The following CPNE9 variants were observed in gnomAD, a reference collection of about 807,000 sequenced individuals.
CPNE9 encodes the protein copine family member 9.
A neutral mutation model predicts 83.0 loss-of-function variants in CPNE9; 59 were observed. The observed-to-expected ratio is 0.71, with a 90% confidence interval of 0.58 to 0.88. The LOEUF (loss-of-function observed/expected upper bound fraction) is 0.88. Among genes scored for constraint, CPNE9 ranks in the 40% least tolerant of loss-of-function variants. The pLI, the probability that CPNE9 is intolerant of heterozygous loss-of-function variation, is 0.00. For synonymous variants in CPNE9, 256 were observed against 273.4 expected (o/e 0.94, Z 0.63); for missense variants, 619 against 720.8 (o/e 0.86, Z 1.62).
rs1285447394 is a variant in CPNE9 at position 9,715,354 on chromosome 3, C to T, written c.758C>T (p.Thr253Ile). ...CTGAGCAAGGCCCAGAACCAGTTCA[C>T]AGTATATGAGGTGAGCATTCCAGCC... ...RELSKAQNQF[T>I]VYEVLNPRKK... Residue 253 changes from threonine to isoleucine, a missense_variant, in exon 12 of 21, where the codon ACA (threonine) becomes ATA (isoleucine). Around this residue, in one of 3 missense-constraint regions of CPNE9, gnomAD observed 438 missense variants for 562.9 expected, o/e 0.78. Coordinates refer to ENST00000383832, the MANE Select transcript of CPNE9 (RefSeq NM_153635.3). The T allele has an allele frequency of 6.2e-6, 10 of 1,614,212 alleles. No individual in the cohort carries two copies. Among genetic ancestry groups the T allele is most frequent in the Admixed American group, 1.7e-5 (1 of 60,022 alleles).
rs1364547483 is a variant in CPNE9, at chr3:9,721,851, T to C, written c.1241+3249T>C. 3.3e-5 allele frequency among the ~76,000 whole-genome samples: 5 copies of C among 152,242 alleles called. No homozygotes were observed. In the East Asian group the frequency reaches 9.6e-4, roughly 29 times the overall value. ...GCTTGGACCCCAGCTTCATAACCCCTTGGGGATGTTACTTAATGTCTCTAA... is the reference window on the plus strand; with the variant it reads ...GCTTGGACCCCAGCTTCATAACCCCCTGGGGATGTTACTTAATGTCTCTAA... On this transcript the variant is annotated intron_variant, in intron 17 of 20. Coordinates refer to ENST00000383832, the MANE Select transcript of CPNE9 (RefSeq NM_153635.3).
chr3:9,705,189 C>CG (rs1441003823), intron 4 of CPNE9, among the ~76,000 whole-genome samples, 195 bp downstream of exon 4: 29 of 152,168 alleles, frequency 1.9e-4, no homozygotes, highest in Admixed American at 1.5e-3. Flanking sequence ...GCTCTGGCCC[C>CG]GCCCACAACT....
In CPNE9 at chr3:9,726,708, C is replaced by T. The variant is rs1351408905; in HGVS notation, c.1388C>T (p.Pro463Leu). The T allele has an allele frequency of 7.4e-6, 12 of 1,613,718 alleles. No homozygotes were observed. The African/African-American group carries it at 1.5e-4, about 20-fold the overall frequency. Residue 463 changes from proline (P) to leucine (L), a missense_variant, in exon 19 of 21, where the codon CCA becomes CTA. By Grantham distance (98) the Pro-to-Leu change is moderately conservative. Coordinates refer to ENST00000383832, the MANE Select transcript of CPNE9 (RefSeq NM_153635.3). ...TCTATCATTATCGTCGGTGTAGGAC[C>T]AGCCATGTTTGAGGGTGAGTAGGAA... ...PMSIIIVGVG[P>L]AMFEAMEELD...
At chr3:9,725,160 C>G (rs1486901534) in intron 17 of CPNE9, among the ~76,000 whole-genome samples, 1 of 152,172 alleles carries the variant, frequency 6.6e-6, no homozygotes. Context: ...TAATGTCTGC[C>G]TCACTCCAGA....
chr3:9,728,203 TG>T (rs1177268270), intron 20 of CPNE9, among the ~76,000 whole-genome samples: 1 of 152,208 alleles, frequency 6.6e-6, no homozygotes, highest in Non-Finnish European at 1.5e-5. Context: ...AGGTCAGGGA[TG>T]GGCCCAAGCA....
At chr3:9,712,408 A>G (rs934436079) in intron 7 of CPNE9, 133 bp from the exon 8 acceptor site, 4 of 746,656 alleles carry the variant, frequency 5.4e-6, no homozygotes, top group Non-Finnish European at 9.6e-6. Flanking sequence ...TCCTCACCAG[A>G]AGGCACTCAA....
At chr3:9,709,936 G>C (rs1357823441) in intron 7 of CPNE9, among the ~76,000 whole-genome samples, 1 of 146,234 alleles carries the variant, frequency 6.8e-6, no homozygotes, top group Non-Finnish European at 1.5e-5. Flanking sequence ...GTTGCAGTGA[G>C]CCGAGATCAC....
chr3:9,722,167 C>CCCG (rs2076740755), intron 17 of CPNE9, among the ~76,000 whole-genome samples: 1 of 151,452 alleles, frequency 6.6e-6, no homozygotes. Flanking sequence ...TCCACCCCCC[C>CCCG]CCGCCACCCG....
intron 7 of CPNE9, among the ~76,000 whole-genome samples, chr3:9,711,540 A>C (rs1054173768): frequency 6.6e-6 from 1 of 152,182 alleles, no homozygotes; most frequent in African/African-American, 2.4e-5. Context: ...ACCTATTCTC[A>C]TCACACTCCC....
chr3:9,725,615 C>CATGT (rs1253059676), intron 17 of CPNE9, among the ~76,000 whole-genome samples: 1 of 81,578 alleles, frequency 1.2e-5, no homozygotes, highest in Non-Finnish European at 2.2e-5. Flanking sequence ...TATGTGTATA[C>CATGT]ATGTGTATAT....
At position 9,706,438 on chromosome 3, in the gene CPNE9, C is replaced by T. The variant is rs2076565710; in HGVS notation, c.377+375C>T. ...CATCCACTCACTAAATATGCATTAG[C>T]ATGTTTTATATCCCACACCCTGTTC... On this transcript the variant is annotated intron_variant, in intron 7 of 20. Transcript: ENST00000383832. Among the ~76,000 whole-genome samples the T allele has an allele frequency of 2.0e-5, 3 of 152,234 alleles. No individual in the cohort carries two copies. In the South Asian group the frequency reaches 6.2e-4, roughly 32 times the overall value.
In CPNE9 at chr3:9,704,135, C is replaced by T; in HGVS notation, c.68+71C>T. ...AGCCCCAGCCAGCCGCGGGGCTCAG[C>T]CTGGGCAGGGGCTAGACCCCCGGGG... On this transcript the variant is annotated intron_variant, in intron 1 of 20. Coordinates refer to ENST00000383832, the MANE Select transcript of CPNE9 (RefSeq NM_153635.3). This position sits in a 1 kb window ranked among gnomAD's most constrained non-coding sequence, Gnocchi z 7.1. The T allele has an allele frequency of 6.9e-7, 1 of 1,453,842 alleles. No individual in the cohort carries two copies. Among genetic ancestry groups the T allele is most frequent in the African/African-American group, 1.4e-5 (1 of 70,818 alleles). The allele number at this position is 1,453,842 out of a possible 1,614,324, so 90.1% of individuals were successfully genotyped here. A position where few individuals can be genotyped will look rare whatever the true frequency, so the allele number is the denominator to read the frequency against.
At chr3:9,725,710 A>G (rs974129870) in intron 17 of CPNE9, among the ~76,000 whole-genome samples, 1 of 143,798 alleles carries the variant, frequency 7.0e-6, no homozygotes, top group African/African-American at 2.7e-5. Flanking sequence ...ATATATGTGT[A>G]TATATGTGTA....
In CPNE9 at chr3:9,715,381, T is replaced by C; in HGVS notation, c.768+17T>C. 6.2e-7 allele frequency: 1 copy of C among 1,614,118 alleles called. No individual in the cohort carries two copies. Among genetic ancestry groups the C allele is most frequent in the Non-Finnish European group, 8.5e-7 (1 of 1,179,942 alleles). On this transcript the variant is annotated intron_variant, in intron 12 of 20. Coordinates refer to ENST00000383832, the MANE Select transcript of CPNE9 (RefSeq NM_153635.3). ...GTATATGAGGTGAGCATTCCAGCCC[T>C]GCCCAGGTCACCCAGGCCCTCCATC...
chr3:9,707,625 A>G (rs1481512130), intron 7 of CPNE9, among the ~76,000 whole-genome samples: 2 of 151,468 alleles, frequency 1.3e-5, no homozygotes, highest in Non-Finnish European at 2.9e-5. Flanking sequence ...TAGTAGGGAA[A>G]AAAACAAAGG....
At chr3:9,711,996 C>T (rs1036246281) in intron 7 of CPNE9, among the ~76,000 whole-genome samples, 1 of 152,174 alleles carries the variant, frequency 6.6e-6, no homozygotes, top group Non-Finnish European at 1.5e-5. Flanking sequence ...CCACCTACCC[C>T]CGCCCCCAAA....
chr3:9,712,590 C>A lies in CPNE9; in HGVS notation c.427C>A (p.Leu143Ile). 2.5e-6 allele frequency: 4 copies of A among 1,614,112 alleles called. No individual in the cohort carries two copies. The highest frequency in any genetic ancestry group is 3.4e-6 in the Non-Finnish European group (4 of 1,179,956). ...GACCATATTGCTGACTGCAGAAGAG[C>A]TTAGCAATTGTCGGGTCAGTAAGGG... is the stretch of plus-strand genomic sequence containing the variant. ...CGTILLTAEE[L>I]SNCRDIATMQ... is the part of the protein sequence containing the mutation. Residue 143 changes from leucine to isoleucine, a missense_variant, in exon 8 of 21, where the codon CTT (leucine) becomes ATT (isoleucine). Leu to Ile is a conservative substitution (Grantham distance 5, BLOSUM62 2). Around this residue, in one of 3 missense-constraint regions of CPNE9, gnomAD observed 438 missense variants for 562.9 expected, o/e 0.78. Coordinates refer to ENST00000383832, the MANE Select transcript of CPNE9 (RefSeq NM_153635.3).
At chr3:9,705,411 C>T in intron 4 of CPNE9, 53 bp from the exon 5 acceptor site, 6 of 734,744 alleles carry the variant, frequency 8.2e-6, no homozygotes, top group Non-Finnish European at 7.1e-6. Flanking sequence ...CGACCCCTTT[C>T]CACCCTCTCC....
Position 9,729,649 on chromosome 3 carries a change from C to T in CPNE9, c.1619C>T (p.Pro540Leu). 3 of 1,614,034 alleles carry T rather than the reference C, an allele frequency of 1.9e-6. No individual in the cohort carries two copies. The South Asian group carries it at 3.3e-5, about 18-fold the overall frequency. ...RTRDIQPRPP[P>L]PANPSPIPAP... is the part of the protein sequence containing the mutation. Reference sequence around the variant, plus strand: ...AGAGACATCCAGCCTCGGCCCCCACCCCCTGCCAACCCCAGCCCGATCCCA... The same window carrying T: ...AGAGACATCCAGCCTCGGCCCCCACTCCCTGCCAACCCCAGCCCGATCCCA... Residue 540 changes from proline to leucine, a missense_variant, in exon 21 of 21, where the codon CCC becomes CTC. Pro to Leu is a moderately conservative substitution (Grantham distance 98). This residue lies in a region of CPNE9 where 51 missense variants were observed against 40.4 expected (regional missense o/e 1.26). Coordinates refer to ENST00000383832, the MANE Select transcript of CPNE9 (RefSeq NM_153635.3).
Sources: gnomAD v4.1 joint callset for allele counts (sites outside exome capture counted in the v4.1 genomes callset) on GRCh38, gnomAD v4.1.1 for gene constraint, gnomAD v4.1.1 regional missense constraint, Gnocchi (gnomAD v3.1) non-coding constraint, MANE v1.5 for transcripts, NCBI Gene and HGNC (gene_info 2026-07-23, HGNC 2026-07-21) for gene names.